The following TTC39C variants were observed in gnomAD, a reference collection of about 807,000 sequenced individuals.
The protein encoded by TTC39C is tetratricopeptide repeat protein 39C.
Under a neutral mutation model 76.3 loss-of-function variants are expected in TTC39C, and 33 were observed. The observed-to-expected ratio is 0.43, with a 90% CI of 0.33 to 0.58. TTC39C has a LOEUF of 0.58. Among genes scored for constraint, TTC39C ranks in the 20% least tolerant of loss-of-function variants. TTC39C has a pLI of 0.04. For synonymous variants in TTC39C, 254 were observed against 260.6 expected (o/e 0.97, Z 0.24); for missense variants, 595 against 701.4 (o/e 0.85, Z 1.71).
chr18:24,096,580 G>A (rs1466794835), intron 6 of TTC39C, among the ~76,000 whole-genome samples: 3 of 152,154 alleles, frequency 2.0e-5, no homozygotes, highest in African/African-American at 4.8e-5. Context: ...TTGCATGTAT[G>A]AGATGTACAT....
intron 1 of TTC39C, among the ~76,000 whole-genome samples, chr18:24,021,539 CTTTTTTT>C (rs60505555): frequency 6.2e-4 from 74 of 118,870 alleles, no homozygotes; most frequent in African/African-American, 1.4e-3. Context: ...TTCTTTCCTT[CTTTTTTT>C]TTTTTTTTTT....
intron 1 of TTC39C, among the ~76,000 whole-genome samples, chr18:24,029,384 G>A (rs1599252748): frequency 6.6e-6 from 1 of 152,228 alleles, no homozygotes; most frequent in African/African-American, 2.4e-5. Context: ...TTACAGGCGT[G>A]AGCCACCAAC....
chr18:24,130,437 A>G lies in TTC39C; in HGVS notation c.1623+20A>G. On this transcript the variant is annotated intron_variant, in intron 12 of 13. Transcript: ENST00000317571. Reference sequence around the variant, plus strand: ...CCAGAGGTAAGATCTTATATATATAATATAATATATATTTTTAATGTTGTT... The same window carrying G: ...CCAGAGGTAAGATCTTATATATATAGTATAATATATATTTTTAATGTTGTT... 2 of 950,408 alleles carry G rather than the reference A, an allele frequency of 2.1e-6. No individual in the cohort carries two copies. Among genetic ancestry groups the G allele is most frequent in the Non-Finnish European group, 2.8e-6 (2 of 719,874 alleles). The allele number at this position is 950,408 out of a possible 1,614,324, so 58.9% of individuals were successfully genotyped here. A position where few individuals can be genotyped will look rare whatever the true frequency, so the allele number is the denominator to read the frequency against.
intron 10 of TTC39C, among the ~76,000 whole-genome samples, chr18:24,128,230 T>C (rs2085075248): frequency 6.6e-6 from 1 of 152,134 alleles, no homozygotes; most frequent in Admixed American, 6.5e-5. Context: ...TGCATTAAGG[T>C]TTCCTTAATG....
intron 1 of TTC39C, among the ~76,000 whole-genome samples, chr18:24,055,956 C>A (rs1173285458): frequency 6.6e-6 from 1 of 152,130 alleles, no homozygotes; most frequent in Non-Finnish European, 1.5e-5. Flanking sequence ...AGATGAAATA[C>A]CAAACCAGTT....
intron 1 of TTC39C, among the ~76,000 whole-genome samples, chr18:24,051,274 T>A (rs565939253): frequency 6.6e-6 from 1 of 152,224 alleles, no homozygotes; most frequent in African/African-American, 2.4e-5. Flanking sequence ...ATTTCATGGC[T>A]TCTCAGCACC....
At position 24,014,871 on chromosome 18, in the gene TTC39C, C is replaced by G; in HGVS notation, c.-1C>G. 1 of 1,395,420 alleles carries G rather than the reference C, an allele frequency of 7.2e-7. No individual in the cohort carries two copies. Among genetic ancestry groups the G allele is most frequent in the South Asian group, 1.6e-5 (1 of 60,674 alleles). The allele number at this position is 1,395,420 out of a possible 1,614,324, so 86.4% of individuals were successfully genotyped here. A position where few individuals can be genotyped will look rare whatever the true frequency, so the allele number is the denominator to read the frequency against. ...GGCCCAGCGCAGGGCCTCGCACGCC[C>G]ATGGCCGGCTCGGAGCAGCAGCGGC... On this transcript the variant is annotated 5_prime_UTR_variant, in exon 1 of 14. Transcript: ENST00000317571.
At chr18:24,109,176 C>CAAAAAAAAAAAAAAAAAAAAAAAAAAA (rs35872928) in intron 6 of TTC39C, among the ~76,000 whole-genome samples, 12 of 73,874 alleles carry the variant, frequency 1.6e-4, no homozygotes, top group Middle Eastern at 9.4e-3. Flanking sequence ...CCCGTCTCTA[C>CAAAAAAAAAAAAAAAAAAAAAAAAAAA]AAAAAAAAAA....
At chr18:24,012,968 C>T (rs939176053), upstream of TTC39C, 2 of 152,110 alleles carry the variant, frequency 1.3e-5, no homozygotes, top group African/African-American at 2.4e-5. Context: ...GGTGCATAAC[C>T]CTCAACATCC....
intron 6 of TTC39C, among the ~76,000 whole-genome samples, chr18:24,095,710 CA>C (rs895041856): frequency 1.4e-4 from 22 of 151,814 alleles, no homozygotes; most frequent in Admixed American, 1.1e-3. Flanking sequence ...AAAAAACAAA[CA>C]AACAAAAAAA....
At position 24,014,979 on chromosome 18, in the gene TTC39C, C is replaced by T. The variant is rs746166786; in HGVS notation, c.108C>T (p.Gly36=). 33 of 1,529,176 alleles carry T rather than the reference C, an allele frequency of 2.2e-5. No homozygotes were observed. The South Asian group carries it at 3.8e-4, about 18-fold the overall frequency. 94.7% of individuals were successfully genotyped at this position (1,529,176 alleles called of 1,614,324 possible). The change falls in exon 1 of 14, where the codon GGC becomes GGT. Residue 36 remains glycine, a synonymous_variant. Transcript: ENST00000317571. Reference sequence around the variant, plus strand: ...AGGACGCGGAGCTGGCCCTGGCCGGCATCAACATGCTGCTCAACAACGGCT... The same window carrying T: ...AGGACGCGGAGCTGGCCCTGGCCGGTATCAACATGCTGCTCAACAACGGCT... The part of the protein sequence containing the change: ...PLQDAELALA[G]INMLLNNGFR...
At position 24,015,023 on chromosome 18, in the gene TTC39C, T is replaced by A; in HGVS notation, c.152T>A (p.Leu51His). 1.3e-6 allele frequency: 2 copies of A among 1,506,278 alleles called. No individual in the cohort carries two copies. The highest frequency in any genetic ancestry group is 1.8e-6 in the Non-Finnish European group (2 of 1,127,058). The allele number at this position is 1,506,278 out of a possible 1,614,324, so 93.3% of individuals were successfully genotyped here. A position where few individuals can be genotyped will look rare whatever the true frequency, so the allele number is the denominator to read the frequency against. ...AACGGCTTCAGGGAGTCGGACCAGCTTTTCAAACAATACAGGTGACCCACG... is the reference window on the plus strand; with the variant it reads ...AACGGCTTCAGGGAGTCGGACCAGCATTTCAAACAATACAGGTGACCCACG... Reference protein sequence around the residue: ...LNNGFRESDQLFKQYRNHSPL... With the variant: ...LNNGFRESDQHFKQYRNHSPL... Residue 51 changes from leucine (L) to histidine (H), a missense_variant, in exon 1 of 14, where the codon CTT becomes CAT. Physicochemically the swap from Leu to His is moderately conservative, Grantham distance 99. Coordinates refer to ENST00000317571, the MANE Select transcript of TTC39C (RefSeq NM_001135993.2).
At chr18:24,101,880 G>T (rs1023704456) in intron 6 of TTC39C, among the ~76,000 whole-genome samples, 3 of 152,166 alleles carry the variant, frequency 2.0e-5, no homozygotes, top group African/African-American at 4.8e-5. Flanking sequence ...CTTAACATAA[G>T]CACATTTCTT....
chr18:24,067,968 G>C (rs2084188355), intron 3 of TTC39C, among the ~76,000 whole-genome samples: 1 of 152,090 alleles, frequency 6.6e-6, no homozygotes, highest in Non-Finnish European at 1.5e-5. Context: ...CTCAAAGACT[G>C]TTGCTTGAGG....
At chr18:24,104,730 ATG>A (rs150461313) in intron 6 of TTC39C, among the ~76,000 whole-genome samples, 80 of 120,996 alleles carry the variant, frequency 6.6e-4, no homozygotes, top group Admixed American at 2.9e-3. Context: ...GTGACTGTGC[ATG>A]TGTGTGTGTG....
At chr18:24,098,268 C>T (rs1373515895) in intron 6 of TTC39C, among the ~76,000 whole-genome samples, 8 of 151,890 alleles carry the variant, frequency 5.3e-5, no homozygotes, top group South Asian at 2.1e-4. Flanking sequence ...TCTGTCCTGT[C>T]GTATATAGCA....
intron 6 of TTC39C, among the ~76,000 whole-genome samples, chr18:24,110,486 A>T (rs2084795767): frequency 6.6e-6 from 1 of 152,232 alleles, no homozygotes; most frequent in Non-Finnish European, 1.5e-5. Context: ...AAATCCAAGG[A>T]AATTAAATAT....
At chr18:24,043,239 G>A (rs1193935821) in intron 1 of TTC39C, among the ~76,000 whole-genome samples, 3 of 152,164 alleles carry the variant, frequency 2.0e-5, no homozygotes, top group Non-Finnish European at 4.4e-5. Context: ...GTATGTGTCT[G>A]TAGTCCCAGC....
intron 1 of TTC39C, among the ~76,000 whole-genome samples, chr18:24,046,139 T>C (rs1326573681): frequency 6.6e-6 from 1 of 151,544 alleles, no homozygotes; most frequent in Admixed American, 6.6e-5. Context: ...GGGGTTTCAC[T>C]GTGTTAGCCA....
Sources: gnomAD v4.1 joint callset for allele counts (sites outside exome capture counted in the v4.1 genomes callset) on GRCh38, gnomAD v4.1.1 for gene constraint, MANE v1.5 for transcripts, NCBI Gene and HGNC (gene_info 2026-07-23, HGNC 2026-07-21) for gene names.